CACNG4: variants seen among roughly 807,000 people sequenced by gnomAD.
CACNG4 encodes the protein calcium voltage-gated channel auxiliary subunit gamma 4.
A neutral mutation model predicts 22.9 loss-of-function variants in CACNG4; 8 were observed. The ratio of observed to expected loss-of-function variants is 0.35; its 90% CI spans 0.21 to 0.63. CACNG4 has a LOEUF of 0.63. Ranked by LOEUF, CACNG4 falls within the 30% of genes least tolerant of loss-of-function variation. The pLI is 0.72. For missense variants in CACNG4, 357 were observed against 455.4 expected, an observed-to-expected ratio of 0.78 and a Z score of 1.97; for synonymous variants, 188 against 191.9, an observed-to-expected ratio of 0.98 and a Z score of 0.17.
intron 1 of CACNG4, among the ~76,000 whole-genome samples, chr17:67,006,239 C>A (rs1477127141): frequency 6.6e-6 from 1 of 152,300 alleles, no homozygotes; most frequent in Admixed American, 6.5e-5. Flanking sequence ...GATCCAAAAG[C>A]CCTAACAGGC....
chr17:66,990,485 G>A (rs190556045), intron 1 of CACNG4, among the ~76,000 whole-genome samples: 27 of 152,138 alleles, frequency 1.8e-4, no homozygotes, highest in Non-Finnish European at 3.2e-4. Context: ...GGTATCTTTC[G>A]GGCCATCTTA....
intron 1 of CACNG4, among the ~76,000 whole-genome samples, chr17:66,965,857 G>A (rs1377846319): frequency 6.6e-6 from 1 of 152,062 alleles, no homozygotes; most frequent in Non-Finnish European, 1.5e-5. Flanking sequence ...CGGTGGGGTG[G>A]TAAGGGGAGC....
intron 1 of CACNG4, among the ~76,000 whole-genome samples, chr17:67,017,496 T>TTAGTTG (rs998932075): frequency 1.4e-5 from 2 of 139,998 alleles, no homozygotes; most frequent in Non-Finnish European, 3.1e-5. Context: ...AGTGGGCAAA[T>TTAGTTG]TCGTTGTTGT....
At chr17:67,017,524 T>G (rs947233764) in intron 1 of CACNG4, among the ~76,000 whole-genome samples, 16 of 149,722 alleles carry the variant, frequency 1.1e-4, no homozygotes, top group East Asian at 1.1e-3. Context: ...GTTGTTGTTG[T>G]TTGTTGTTGT....
chr17:67,015,639 G>A (rs1402323990), intron 1 of CACNG4, among the ~76,000 whole-genome samples: 6 of 152,190 alleles, frequency 3.9e-5, no homozygotes, highest in Non-Finnish European at 8.8e-5. Flanking sequence ...GCGTATATAC[G>A]TGGAAGGGTG....
At chr17:67,003,936 G>C (rs139584510) in intron 1 of CACNG4, among the ~76,000 whole-genome samples, 41 of 152,214 alleles carry the variant, frequency 2.7e-4, no homozygotes, top group African/African-American at 9.9e-4. Flanking sequence ...TGATCCCAAG[G>C]GTCCCTTCTA....
rs58736569 is a variant in CACNG4 at position 67,031,510 on chromosome 17, C to G, written c.*506C>G. ...GTCGTTGAGCCAGAAATCAGACCAC[C>G]GAAGCTCACTCCCTTCCTCTCCATC... On this transcript the variant is annotated 3_prime_UTR_variant, in exon 4 of 4. Transcript: ENST00000262138. This position sits in a 1 kb window ranked among gnomAD's most constrained non-coding sequence, Gnocchi z 4.0. 8,170 of 457,278 alleles carry G rather than the reference C, an allele frequency of 0.018. 505 individuals are homozygous for G. The highest frequency in any genetic ancestry group is 0.14 in the African/African-American group (6,919 of 50,146). The allele number at this position is 457,278 out of a possible 1,614,324, so 28.3% of individuals were successfully genotyped here.
At chr17:66,982,921 T>C (rs192910910) in intron 1 of CACNG4, among the ~76,000 whole-genome samples, 120 of 152,342 alleles carry the variant, frequency 7.9e-4, no homozygotes, top group African/African-American at 2.8e-3. Flanking sequence ...TTTATATAGA[T>C]TAACTTGCTT....
At chr17:66,971,575 G>A (rs1300274852) in intron 1 of CACNG4, among the ~76,000 whole-genome samples, 2 of 152,138 alleles carry the variant, frequency 1.3e-5, no homozygotes, top group Non-Finnish European at 2.9e-5. Context: ...TTTATGTTAC[G>A]GTGAAAACAG....
chr17:67,029,851 A>G (rs1006073378), intron 3 of CACNG4, among the ~76,000 whole-genome samples: 1 of 152,212 alleles, frequency 6.6e-6, no homozygotes. Context: ...TAAGTGTTTC[A>G]ATGCACATGG....
chr17:67,022,224 G>A (rs565973249), intron 2 of CACNG4, among the ~76,000 whole-genome samples: 2 of 152,170 alleles, frequency 1.3e-5, no homozygotes, highest in South Asian at 4.2e-4. Context: ...ACAGGCACTC[G>A]CCACTATACC....
chr17:67,011,028 A>C (rs765355572), intron 1 of CACNG4, among the ~76,000 whole-genome samples: 1 of 152,224 alleles, frequency 6.6e-6, no homozygotes, highest in Non-Finnish European at 1.5e-5. Context: ...AATTTGGAGT[A>C]GTTGGGAGAT....
chr17:66,984,841 C>T lies in CACNG4; in HGVS notation c.220+19710C>T, dbSNP rs555912149. On this transcript the variant is annotated intron_variant, in intron 1 of 3. Transcript: ENST00000262138. The surrounding 1 kb of genome is among the most constrained non-coding windows in gnomAD (Gnocchi z 4.0). ...TTGAACCCGAGCCTGAGTTTAGCCTCGAGCCTGAGCCTGCCTCAGGGTCCC... is the reference window on the plus strand; with the variant it reads ...TTGAACCCGAGCCTGAGTTTAGCCTTGAGCCTGAGCCTGCCTCAGGGTCCC... Among the ~76,000 whole-genome samples, 6 of 152,236 alleles carry T rather than the reference C, an allele frequency of 3.9e-5. No individual in the cohort carries two copies. Among genetic ancestry groups the T allele is most frequent in the Admixed American group, 3.3e-4 (5 of 15,294 alleles).
At chr17:66,970,989 G>A (rs2035200664) in intron 1 of CACNG4, among the ~76,000 whole-genome samples, 1 of 152,198 alleles carries the variant, frequency 6.6e-6, no homozygotes, top group Non-Finnish European at 1.5e-5. Flanking sequence ...CGAGTAGGAA[G>A]GGGCCTCAGG....
chr17:66,994,892 G>A (rs1264897532), intron 1 of CACNG4, among the ~76,000 whole-genome samples: 4 of 152,182 alleles, frequency 2.6e-5, no homozygotes, highest in Non-Finnish European at 5.9e-5. Flanking sequence ...GGGGGCATTG[G>A]TAGGAGGAGG....
intron 3 of CACNG4, 51 bp downstream of exon 3, chr17:67,025,051 G>A (rs758140499): frequency 1.3e-6 from 2 of 1,506,650 alleles, no homozygotes; most frequent in South Asian, 2.7e-5. Flanking sequence ...GGACACAGGA[G>A]TGCCTGTCTC....
intron 2 of CACNG4, chr17:67,021,496 A>G (rs1230282710): frequency 6.6e-6 from 1 of 152,294 alleles, no homozygotes; most frequent in Non-Finnish European, 1.5e-5. Flanking sequence ...AGCCTTCCAC[A>G]GAAGCTGGGC....
At chr17:66,965,355 C>T (rs2035162952) in intron 1 of CACNG4, among the ~76,000 whole-genome samples, 1 of 150,896 alleles carries the variant, frequency 6.6e-6, no homozygotes, top group South Asian at 2.1e-4. Flanking sequence ...TCTGGTCCCT[C>T]TCGGCTGGGG....
At chr17:67,025,144 C>T in intron 3 of CACNG4, 144 bp downstream of exon 3, 3 of 773,022 alleles carry the variant, frequency 3.9e-6, no homozygotes, top group South Asian at 5.6e-5. Flanking sequence ...CTTGTAAAGT[C>T]CCAATGTTCA....
Sources: allele counts gnomAD v4.1 joint callset (sites outside exome capture counted in the v4.1 genomes callset), GRCh38; gene constraint gnomAD v4.1.1; non-coding constraint Gnocchi (gnomAD v3.1); transcripts MANE v1.5; gene names NCBI Gene and HGNC (gene_info 2026-07-23, HGNC 2026-07-21).